Variants in CFAP77 observed in about 807,000 individuals in gnomAD.
CFAP77 encodes cilia- and flagella-associated protein 77.
CFAP77 carries 25 observed loss-of-function variants against 31.1 expected under a neutral mutation model. That is an observed-to-expected ratio of 0.80 (90% CI 0.59 to 1.12). The LOEUF is 1.12. Among genes scored for constraint, CFAP77 ranks in the 50% most tolerant of loss-of-function variants. The pLI is 0.00. For synonymous variants in CFAP77, 151 were observed against 159.9 expected, an observed-to-expected ratio of 0.94 and a Z score of 0.42; for missense variants, 377 against 397.3, an observed-to-expected ratio of 0.95 and a Z score of 0.44.
At chr9:132,428,605 A>G (rs2131687885) in intron 1 of CFAP77, among the ~76,000 whole-genome samples, 1 of 152,170 alleles carries the variant, frequency 6.6e-6, no homozygotes, top group African/African-American at 2.4e-5. Context: ...ACAGAGCGAG[A>G]CTCTGTCTCA....
chr9:132,415,819 C>A (rs1173588768), intron 1 of CFAP77, among the ~76,000 whole-genome samples: 2 of 152,198 alleles, frequency 1.3e-5, no homozygotes, highest in East Asian at 3.8e-4. Flanking sequence ...GGTTTGCAAA[C>A]TGTTCTGTGG....
chr9:132,422,564 A>G (rs1489687159), intron 1 of CFAP77, among the ~76,000 whole-genome samples: 2 of 152,260 alleles, frequency 1.3e-5, no homozygotes, highest in African/African-American at 4.8e-5. Context: ...GCAAAATAAG[A>G]GATTTTATGA....
rs889663347 is a variant in CFAP77 at position 132,554,035 on chromosome 9, A to G, written c.732+10988A>G. On this transcript the variant is annotated intron_variant, in intron 5 of 5. Coordinates refer to ENST00000393216, the MANE Select transcript of CFAP77 (RefSeq NM_001282957.2). This position sits in a 1 kb window ranked among gnomAD's most constrained non-coding sequence, Gnocchi z 4.1. ...CAGGCACCATTCCAGGGGCTTGGCA[A>G]TGACCCCACGGGATGGGTAGTATGA... Among the ~76,000 whole-genome samples, 4 of 152,156 alleles carry G rather than the reference A, an allele frequency of 2.6e-5. No individual in the cohort carries two copies. The highest frequency in any genetic ancestry group is 9.7e-5 in the African/African-American group (4 of 41,446).
chr9:132,447,198 AT>A (rs1850739586), intron 1 of CFAP77, among the ~76,000 whole-genome samples: 1 of 152,218 alleles, frequency 6.6e-6, no homozygotes, highest in African/African-American at 2.4e-5. Flanking sequence ...CTGATTCTGC[AT>A]TTTATGTTTT....
In CFAP77 at chr9:132,564,936, G is replaced by A. The variant is rs757352906; in HGVS notation, c.733-7452G>A. On this transcript the variant is annotated intron_variant, in intron 5 of 5. Coordinates refer to ENST00000393216, the MANE Select transcript of CFAP77 (RefSeq NM_001282957.2). The surrounding 1 kb of genome is among the most constrained non-coding windows in gnomAD (Gnocchi z 4.6). ...GGTCTCAGCTCTGCCCAGGACTCAC[G>A]GGAGACCTGGGAGGGTCACTTCTCA... Among the ~76,000 whole-genome samples, 1 of 152,060 alleles carries A rather than the reference G, an allele frequency of 6.6e-6. No individual in the cohort carries two copies. Among genetic ancestry groups the A allele is most frequent in the East Asian group, 1.9e-4 (1 of 5,202 alleles).
rs1852837902 is a variant in CFAP77, at chr9:132,552,521, C to A, written c.732+9474C>A. Among the ~76,000 whole-genome samples, 2 of 152,064 alleles carry A rather than the reference C, an allele frequency of 1.3e-5. No homozygotes were observed. Among genetic ancestry groups the A allele is most frequent in the Non-Finnish European group, 2.9e-5 (2 of 68,014 alleles). The stretch of plus-strand genomic sequence containing the variant: ...GACCAGCCTGGCCAATATGGTGAAA[C>A]CCTGTCTCTAGCAAAAATACAAAAC... On this transcript the variant is annotated intron_variant, in intron 5 of 5. Coordinates refer to ENST00000393216, the MANE Select transcript of CFAP77 (RefSeq NM_001282957.2). The surrounding 1 kb of genome is among the most constrained non-coding windows in gnomAD (Gnocchi z 5.5).
rs370319315 is a variant in CFAP77, at chr9:132,572,451, C to T, written c.796C>T (p.Arg266Trp). Residue 266 changes from arginine (R) to tryptophan (W), a missense_variant, in exon 6 of 6, where the codon CGG (arginine) becomes TGG (tryptophan). Coordinates refer to ENST00000393216, the MANE Select transcript of CFAP77 (RefSeq NM_001282957.2). The part of the protein sequence containing the change: ...ADRQRALKAH[R>W]EECAVRQGTL... ...TCGCCAGAGAGCATTAAAAGCCCAC[C>T]GGGAAGAGTGTGCCGTGCGCCAGGG... 6.5e-5 allele frequency: 104 copies of T among 1,612,312 alleles called. No individual in the cohort carries two copies. Among genetic ancestry groups the T allele is most frequent in the Non-Finnish European group, 8.0e-5 (94 of 1,179,996 alleles).
chr9:132,412,985 G>A lies in CFAP77; in HGVS notation c.195+2519G>A, dbSNP rs529789830. On this transcript the variant is annotated intron_variant, in intron 1 of 5. Coordinates refer to ENST00000393216, the MANE Select transcript of CFAP77 (RefSeq NM_001282957.2). ...GTAGAGGTTGGGAGTGCACTCTGCC[G>A]TGGTGTCTTTAGGAGGGTGATTAGA... 1.6e-4 allele frequency among the ~76,000 whole-genome samples: 24 copies of A among 152,252 alleles called. No homozygotes were observed. In the East Asian group the frequency reaches 4.2e-3, roughly 27 times the overall value.
In CFAP77 at chr9:132,501,899, A is replaced by G. The variant is rs186582318; in HGVS notation, c.524+2299A>G. ...CGTGGGCCGATGGTGGAAAAGACGT[A>G]CAGACCAGGGTTGTGTTCCAGGAGG... On this transcript the variant is annotated intron_variant, in intron 3 of 5. Transcript: ENST00000393216. This position sits in a 1 kb window ranked among gnomAD's most constrained non-coding sequence, Gnocchi z 4.6. 6.6e-6 allele frequency among the ~76,000 whole-genome samples: 1 copy of G among 152,360 alleles called. No homozygotes were observed. The highest frequency in any genetic ancestry group is 1.9e-4 in the East Asian group (1 of 5,194).
At chr9:132,567,574 A>C (rs992683143) in intron 5 of CFAP77, among the ~76,000 whole-genome samples, 1 of 152,190 alleles carries the variant, frequency 6.6e-6, no homozygotes, top group African/African-American at 2.4e-5. Context: ...CCATCGCTGC[A>C]TGCTGATTTG....
intron 1 of CFAP77, among the ~76,000 whole-genome samples, chr9:132,457,289 T>A (rs1850934876): frequency 7.8e-6 from 1 of 128,398 alleles, no homozygotes; most frequent in Middle Eastern, 3.9e-3. Flanking sequence ...GGCGGCCGCA[T>A]CTTAAGACGG....
At chr9:132,420,647 G>A (rs1168291451) in intron 1 of CFAP77, among the ~76,000 whole-genome samples, 3 of 149,040 alleles carry the variant, frequency 2.0e-5, no homozygotes, top group Non-Finnish European at 4.4e-5. Flanking sequence ...CAGCCTGGGT[G>A]ACAAGTGAGA....
At chr9:132,561,661 A>ACACC (rs1247071368) in intron 5 of CFAP77, among the ~76,000 whole-genome samples, 81 of 46,484 alleles carry the variant, frequency 1.7e-3, no homozygotes, top group African/African-American at 1.8e-3. Flanking sequence ...ACACACACAC[A>ACACC]CCCCCTCCAT....
At chr9:132,445,032 G>A (rs554107955) in intron 1 of CFAP77, among the ~76,000 whole-genome samples, 18 of 149,666 alleles carry the variant, frequency 1.2e-4, no homozygotes, top group Admixed American at 3.4e-4. Context: ...GGAGTGCAGT[G>A]GTGCAATCTT....
At chr9:132,434,931 G>T (rs1412651796) in intron 1 of CFAP77, among the ~76,000 whole-genome samples, 3 of 150,954 alleles carry the variant, frequency 2.0e-5, no homozygotes, top group Admixed American at 1.3e-4. Context: ...CACATGGCCA[G>T]TCCCAAGCCA....
chr9:132,546,943 T>C (rs1234796366), intron 5 of CFAP77, among the ~76,000 whole-genome samples: 1 of 152,164 alleles, frequency 6.6e-6, no homozygotes. Flanking sequence ...CCAGGAGCCA[T>C]GTGGGAGGGG....
intron 3 of CFAP77, among the ~76,000 whole-genome samples, chr9:132,524,612 CAA>C (rs369112824): frequency 0.082 from 11,561 of 141,616 alleles, 529 homozygotes; most frequent in South Asian, 0.14. Context: ...GGCTCTGTCT[CAA>C]AAAAAAAAAA....
chr9:132,465,766 C>G (rs983397170), intron 1 of CFAP77, among the ~76,000 whole-genome samples: 1 of 152,208 alleles, frequency 6.6e-6, no homozygotes, highest in African/African-American at 2.4e-5. Context: ...CTGCCTGAGT[C>G]CTCAAGGCAG....
chr9:132,558,832 GT>G (rs35867417), intron 5 of CFAP77, among the ~76,000 whole-genome samples: 69,430 of 151,148 alleles, frequency 0.46, 16,691 homozygotes, highest in African/African-American at 0.6. Context: ...GACCAACGTG[GT>G]TGAAACCCCG....
Sources: gnomAD v4.1 joint callset for allele counts (sites outside exome capture counted in the v4.1 genomes callset) on GRCh38, gnomAD v4.1.1 for gene constraint, Gnocchi (gnomAD v3.1) non-coding constraint, MANE v1.5 for transcripts, NCBI Gene and HGNC (gene_info 2026-07-23, HGNC 2026-07-21) for gene names.